Variants in CD59 observed in about 807,000 individuals in gnomAD.
The protein encoded by CD59 is CD59 glycoprotein.
In CD59, 3 loss-of-function variants were observed where a neutral mutation model predicts 7.0. The observed-to-expected ratio is 0.43, with a 90% confidence interval of 0.19 to 1.10. The LOEUF is 1.10. Ranked by LOEUF, CD59 falls within the 50% of genes least tolerant of loss-of-function variation. The pLI is 0.29. For missense variants in CD59, 143 were observed against 151.0 expected (o/e 0.95, Z 0.28); for synonymous variants, 60 against 62.0 (o/e 0.97, Z 0.15).
intron 3 of CD59, among the ~76,000 whole-genome samples, chr11:33,713,635 G>A (rs1474264598): frequency 1.3e-5 from 2 of 152,192 alleles, no homozygotes; most frequent in Non-Finnish European, 2.9e-5. Context: ...CAGTAATTAC[G>A]CATTGGAACT....
Position 33,707,049 on chromosome 11 carries a change from G to A in CD59, c.*3077C>T, listed in dbSNP as rs1268240923. 6.6e-6 allele frequency: 1 copy of A among 152,202 alleles called. No homozygotes were observed. Among genetic ancestry groups the A allele is most frequent in the Non-Finnish European group, 1.5e-5 (1 of 68,048 alleles). 9.4% of individuals were successfully genotyped at this position (152,202 alleles called of 1,614,324 possible). A position where few individuals can be genotyped will look rare whatever the true frequency, so the allele number is the denominator to read the frequency against. On this transcript the variant is annotated 3_prime_UTR_variant, in exon 4 of 4. Transcript: ENST00000642928. ...TCCTCTTGTGTAAAGTGAGGTGCAA[G>A]TACAGATGAAAATGTATATAAAACA...
Position 33,706,269 on chromosome 11 carries a change from C to T in CD59, c.*3857G>A, listed in dbSNP as rs957778693. ...AACAGGAGTGTGTATAAACAGGAAG[C>T]TTTAGTTTAGATAAATAAGATTATC... On this transcript the variant is annotated 3_prime_UTR_variant, in exon 4 of 4. Coordinates refer to ENST00000642928, the MANE Select transcript of CD59 (RefSeq NM_000611.6). 4 of 151,788 alleles carry T rather than the reference C, an allele frequency of 2.6e-5. No homozygotes were observed. Among genetic ancestry groups the T allele is most frequent in the South Asian group, 4.2e-4 (2 of 4,794 alleles). The allele number at this position is 151,788 out of a possible 1,614,324, so 9.4% of individuals were successfully genotyped here.
chr11:33,712,166 A>G (rs772838168), intron 3 of CD59, among the ~76,000 whole-genome samples: 9 of 152,246 alleles, frequency 5.9e-5, no homozygotes, highest in Non-Finnish European at 1.0e-4. Flanking sequence ...AAATCATTAG[A>G]TTATTCAGTA....
chr11:33,714,481 G>T (rs140808006), intron 3 of CD59, among the ~76,000 whole-genome samples: 13 of 152,270 alleles, frequency 8.5e-5, no homozygotes, highest in Middle Eastern at 3.4e-3. Context: ...CGAATGTGAA[G>T]GCCTAGGACA....
intron 1 of CD59, among the ~76,000 whole-genome samples, chr11:33,723,482 T>C (rs1227101556): frequency 2.0e-5 from 3 of 152,186 alleles, no homozygotes; most frequent in African/African-American, 4.8e-5. Flanking sequence ...GGGTCTGACA[T>C]TGTCCAAAAA....
intron 3 of CD59, among the ~76,000 whole-genome samples, chr11:33,715,508 G>A (rs769951124): frequency 6.6e-6 from 1 of 152,170 alleles, no homozygotes; most frequent in East Asian, 1.9e-4. Flanking sequence ...GCTGAGGCAT[G>A]AGAATCACTT....
intron 3 of CD59, among the ~76,000 whole-genome samples, chr11:33,714,880 T>C (rs1389410767): frequency 6.6e-6 from 1 of 151,788 alleles, no homozygotes; most frequent in Non-Finnish European, 1.5e-5. Flanking sequence ...TGTCCTGTCC[T>C]AGGAGAGCAA....
Position 33,717,383 on chromosome 11 carries a change from G to C in CD59, c.156C>G (p.Leu52=). 2 of 1,611,320 alleles carry C rather than the reference G, an allele frequency of 1.2e-6. No individual in the cohort carries two copies. Among genetic ancestry groups the C allele is most frequent in the Non-Finnish European group, 1.7e-6 (2 of 1,177,508 alleles). Residue 52 remains leucine, a synonymous_variant, in exon 3 of 4, where the codon CTC becomes CTG. Coordinates refer to ENST00000642928, the MANE Select transcript of CD59 (RefSeq NM_000611.6). ...VNCSSDFDAC[L]ITKAGLQVYN... ...GGAGGCTCTTACCAGCTTTGGTAAT[G>C]AGACACGCATCAAAATCAGATGAAC...
chr11:33,735,968 T>C (rs1212675151), intron 1 of CD59, among the ~76,000 whole-genome samples: 1 of 151,760 alleles, frequency 6.6e-6, no homozygotes. Context: ...ATTACACATT[T>C]AGACCGCGAG....
intron 2 of CD59, 148 bp from the exon 3 acceptor site, chr11:33,717,619 A>C: frequency 1.5e-6 from 1 of 666,974 alleles, no homozygotes; most frequent in Non-Finnish European, 2.8e-6. Context: ...TATCTTTCCA[A>C]ATTCAAACTA....
At chr11:33,725,282 A>T (rs1854221230) in intron 1 of CD59, among the ~76,000 whole-genome samples, 1 of 148,958 alleles carries the variant, frequency 6.7e-6, no homozygotes, top group Non-Finnish European at 1.5e-5. Context: ...CCTCCATTTT[A>T]AGGAAAAAAA....
Position 33,706,553 on chromosome 11 carries a change from A to T in CD59, c.*3573T>A, listed in dbSNP as rs1443791448. The T allele has an allele frequency of 1.6e-5, 2 of 124,206 alleles. No homozygotes were observed. The highest frequency in any genetic ancestry group is 8.0e-5 in the African/African-American group (2 of 24,898). 7.7% of individuals were successfully genotyped at this position (124,206 alleles called of 1,614,324 possible). ...AAAGTGAAAGTTCAGAAAGGGTTTA[A>T]AAAAAAAAAAAAAAAAAAACTTGTC... On this transcript the variant is annotated 3_prime_UTR_variant, in exon 4 of 4. Transcript: ENST00000642928.
chr11:33,722,956 G>T (rs1564976036), intron 1 of CD59: 1 of 1,057,204 alleles, frequency 9.5e-7, no homozygotes, highest in Non-Finnish European at 1.1e-6. Flanking sequence ...GTATAATGGG[G>T]ACACTTGCTT....
At chr11:33,732,716 T>TCCCCCTG (rs1412794636) in intron 1 of CD59, among the ~76,000 whole-genome samples, 106 of 152,232 alleles carry the variant, frequency 7.0e-4, no homozygotes, top group Middle Eastern at 3.4e-3. Flanking sequence ...TTGCCTCCAA[T>TCCCCCTG]TACAGGGGGA....
At chr11:33,711,454 A>C in intron 3 of CD59, 1 of 698,508 alleles carries the variant, frequency 1.4e-6, no homozygotes, top group Non-Finnish European at 2.6e-6. Context: ...TAGGAGGCTG[A>C]AGTGAGAGGA....
chr11:33,730,267 T>C (rs910335755), intron 1 of CD59, among the ~76,000 whole-genome samples: 2 of 149,778 alleles, frequency 1.3e-5, no homozygotes, highest in African/African-American at 2.5e-5. Context: ...AAAAAAAAAA[T>C]AGCCAGGTGT....
rs1305723371 is a variant in CD59, at chr11:33,706,694, G to A, written c.*3432C>T. ...ATATCTACAAGAAGTAGCAGGCATTGAGAAACAGATGGGAAGATAGTGTTT... is the reference window on the plus strand; with the variant it reads ...ATATCTACAAGAAGTAGCAGGCATTAAGAAACAGATGGGAAGATAGTGTTT... On this transcript the variant is annotated 3_prime_UTR_variant, in exon 4 of 4. Coordinates refer to ENST00000642928, the MANE Select transcript of CD59 (RefSeq NM_000611.6). The A allele has an allele frequency of 1.3e-5, 2 of 152,144 alleles. No homozygotes were observed. The highest frequency in any genetic ancestry group is 2.9e-5 in the Non-Finnish European group (2 of 68,022). The allele number at this position is 152,144 out of a possible 1,614,324, so 9.4% of individuals were successfully genotyped here.
Position 33,705,949 on chromosome 11 carries a change from T to C in CD59, c.*4177A>G, listed in dbSNP as rs1853290968. On this transcript the variant is annotated 3_prime_UTR_variant, in exon 4 of 4. Transcript: ENST00000642928. ...AGTCAGCACCAGCACTGATCATATATAGGATCAGCCTACTGGGGTTGGCCA... is the reference window on the plus strand; with the variant it reads ...AGTCAGCACCAGCACTGATCATATACAGGATCAGCCTACTGGGGTTGGCCA... The C allele has an allele frequency of 6.6e-6, 1 of 152,094 alleles. No homozygotes were observed. The highest frequency in any genetic ancestry group is 6.5e-5 in the Admixed American group (1 of 15,272). 9.4% of individuals were successfully genotyped at this position (152,094 alleles called of 1,614,324 possible). A position where few individuals can be genotyped will look rare whatever the true frequency, so the allele number is the denominator to read the frequency against.
rs971343343 is a variant in CD59, at chr11:33,722,403, C to A, written c.43G>T (p.Val15Phe). ...CCTGAATGGCAGAAGACAGCCAGGACGAGCAGCAGCCCGAACAGGACAGAC... is the reference window on the plus strand; with the variant it reads ...CCTGAATGGCAGAAGACAGCCAGGAAGAGCAGCAGCCCGAACAGGACAGAC... ...GGSVLFGLLL[V>F]LAVFCHSGHS... Residue 15 changes from valine (V) to phenylalanine (F), a missense_variant, in exon 2 of 4, where the codon GTC becomes TTC. By Grantham distance (50) the Val-to-Phe change is conservative (BLOSUM62 -1). Coordinates refer to ENST00000642928, the MANE Select transcript of CD59 (RefSeq NM_000611.6). The A allele has an allele frequency of 6.2e-7, 1 of 1,613,786 alleles. No individual in the cohort carries two copies. The highest frequency in any genetic ancestry group is 1.1e-5 in the South Asian group (1 of 91,084).
Sources: allele counts gnomAD v4.1 joint callset (sites outside exome capture counted in the v4.1 genomes callset), GRCh38; gene constraint gnomAD v4.1.1; transcripts MANE v1.5; gene names NCBI Gene and HGNC (gene_info 2026-07-23, HGNC 2026-07-21).